Variants in HMGCLL1 observed in about 807,000 individuals in gnomAD.
HMGCLL1 encodes the protein 3-hydroxy-3-methylglutaryl-CoA lyase like 1.
A neutral mutation model predicts 39.1 loss-of-function variants in HMGCLL1; 36 were observed. That is an observed-to-expected ratio of 0.92 (90% confidence interval 0.71 to 1.22). The LOEUF is 1.22. Among genes scored for constraint, HMGCLL1 ranks in the 50% most tolerant of loss-of-function variants. The pLI, the probability that HMGCLL1 is intolerant of heterozygous loss-of-function variation, is 0.00. For synonymous variants in HMGCLL1, 149 were observed against 144.0 expected (o/e 1.03, Z -0.25); for missense variants, 451 against 416.5 (o/e 1.08, Z -0.72).
upstream of HMGCLL1, among the ~76,000 whole-genome samples, chr6:55,583,051 C>A (rs1772012363): frequency 6.6e-6 from 1 of 152,072 alleles, no homozygotes; most frequent in Non-Finnish European, 1.5e-5. Context: ...AAATCCTCCA[C>A]TATAGTTCTG....
intron 7 of HMGCLL1, among the ~76,000 whole-genome samples, chr6:55,472,451 A>AT (rs1765089544): frequency 7.0e-6 from 1 of 143,488 alleles, no homozygotes; most frequent in African/African-American, 2.4e-5. Flanking sequence ...TTATTTGTCC[A>AT]TTTTACCACT....
chr6:55,549,730 G>T (rs1210378520), intron 1 of HMGCLL1, among the ~76,000 whole-genome samples: 1 of 151,632 alleles, frequency 6.6e-6, no homozygotes, highest in Non-Finnish European at 1.5e-5. Context: ...TTTAATTGAG[G>T]CTGTTATTAT....
At chr6:55,590,650 T>G in the HMGCLL1 span, among the ~76,000 whole-genome samples, 1 of 152,014 alleles carries the variant, frequency 6.6e-6, no homozygotes, top group Non-Finnish European at 1.5e-5. Context: ...TAAAATTTTC[T>G]GATTTCATGA....
the HMGCLL1 span, among the ~76,000 whole-genome samples, chr6:55,591,153 C>T: frequency 1.3e-5 from 2 of 151,762 alleles, no homozygotes; most frequent in African/African-American, 4.8e-5. Context: ...AAATTTTTTC[C>T]AAGAGAGCTT....
In HMGCLL1 at chr6:55,499,217, A is replaced by T. The variant is rs1314443398; in HGVS notation, c.606+19T>A. On this transcript the variant is annotated intron_variant, in intron 6 of 8. Transcript: ENST00000274901. ...ATATCATGTTACCATAAACCAAAAA[A>T]GCTGAAGATGTAGCTTACTTCTGTC... The T allele has an allele frequency of 6.3e-7, 1 of 1,594,586 alleles. No individual in the cohort carries two copies. The highest frequency in any genetic ancestry group is 8.5e-7 in the Non-Finnish European group (1 of 1,170,594).
At chr6:55,527,807 A>G (rs1768403723) in intron 3 of HMGCLL1, among the ~76,000 whole-genome samples, 1 of 152,096 alleles carries the variant, frequency 6.6e-6, no homozygotes, top group African/African-American at 2.4e-5. Context: ...GTAAAATTTC[A>G]TATCTTGCTC....
In HMGCLL1 at chr6:55,516,504, T is replaced by A. The variant is rs1265746996; in HGVS notation, c.393+4A>T. On this transcript the variant is annotated splice_donor_region_variant and intron_variant, in intron 4 of 8. Transcript: ENST00000274901. ...AATTTTAGAGATATTAGTAGCACAC[T>A]TACAGCATGGTGAAAACCCTGAAGA... 6.3e-7 allele frequency: 1 copy of A among 1,579,218 alleles called. No homozygotes were observed. The highest frequency in any genetic ancestry group is 1.3e-5 in the African/African-American group (1 of 74,448).
At chr6:55,612,970 A>G in the HMGCLL1 span, among the ~76,000 whole-genome samples, 1 of 152,218 alleles carries the variant, frequency 6.6e-6, no homozygotes, top group Non-Finnish European at 1.5e-5. Flanking sequence ...TAAACTAAAG[A>G]GCTTCTGCAC....
the HMGCLL1 span, among the ~76,000 whole-genome samples, chr6:55,598,478 CA>C: frequency 6.6e-6 from 1 of 152,084 alleles, no homozygotes; most frequent in Admixed American, 6.6e-5. Context: ...GAAACTCAAC[CA>C]GTCAATAGCA....
chr6:55,554,523 A>G (rs979672117), intron 1 of HMGCLL1, among the ~76,000 whole-genome samples: 8 of 152,152 alleles, frequency 5.3e-5, no homozygotes, highest in Non-Finnish European at 7.3e-5. Context: ...GGGGTACATT[A>G]GTGATTCTAA....
chr6:55,471,447 T>C (rs527539191), intron 7 of HMGCLL1, among the ~76,000 whole-genome samples: 39 of 151,932 alleles, frequency 2.6e-4, no homozygotes, highest in African/African-American at 9.2e-4. Flanking sequence ...TGCTGGGTCA[T>C]AGAGTACACA....
At chr6:55,627,909 C>A in the HMGCLL1 span, among the ~76,000 whole-genome samples, 82 of 2,158 alleles carry the variant, frequency 0.038, 3 homozygotes, top group East Asian at 0.08. Flanking sequence ...AGTATATATA[C>A]TATATATATA....
chr6:55,486,006 T>C (rs1231848596), intron 7 of HMGCLL1, among the ~76,000 whole-genome samples: 2 of 151,054 alleles, frequency 1.3e-5, no homozygotes, highest in Non-Finnish European at 3.0e-5. Flanking sequence ...CAATCAAAAG[T>C]GGGATCAGTT....
intron 1 of HMGCLL1, among the ~76,000 whole-genome samples, chr6:55,545,817 G>A (rs186637162): frequency 1.1e-3 from 161 of 152,196 alleles, no homozygotes; most frequent in Admixed American, 1.8e-3. Flanking sequence ...TCAATACAGA[G>A]ATAGTAATGC....
intron 1 of HMGCLL1, among the ~76,000 whole-genome samples, chr6:55,555,784 C>T (rs1489277819): frequency 1.3e-5 from 2 of 152,158 alleles, no homozygotes; most frequent in African/African-American, 4.8e-5. Flanking sequence ...CAAGGGAAGC[C>T]TTCACAAACA....
the HMGCLL1 span, among the ~76,000 whole-genome samples, chr6:55,618,514 A>G: frequency 1.3e-5 from 2 of 152,086 alleles, no homozygotes; most frequent in African/African-American, 4.8e-5. Context: ...TATCAAAAAA[A>G]TAATTCAATG....
At chr6:55,570,981 C>T (rs1372001154) in intron 1 of HMGCLL1, among the ~76,000 whole-genome samples, 1 of 152,160 alleles carries the variant, frequency 6.6e-6, no homozygotes, top group Non-Finnish European at 1.5e-5. Flanking sequence ...CTTATAAAGC[C>T]ATCAGATCTC....
the HMGCLL1 span, among the ~76,000 whole-genome samples, chr6:55,649,433 T>A: frequency 2.6e-5 from 4 of 151,856 alleles, no homozygotes; most frequent in Admixed American, 6.6e-5. Context: ...TCCCGTCCTG[T>A]TAGAGTTCCC....
At chr6:55,492,217 A>C (rs1276096512) in intron 7 of HMGCLL1, among the ~76,000 whole-genome samples, 1 of 152,186 alleles carries the variant, frequency 6.6e-6, no homozygotes. Context: ...TTTTTTAAAA[A>C]TGAAGTATGG....
Sources: gnomAD v4.1 joint callset for allele counts (sites outside exome capture counted in the v4.1 genomes callset) on GRCh38, gnomAD v4.1.1 for gene constraint, MANE v1.5 for transcripts, NCBI Gene and HGNC (gene_info 2026-07-23, HGNC 2026-07-21) for gene names.